PTPRD: variants seen among roughly 807,000 people sequenced by gnomAD.
The protein encoded by PTPRD is protein tyrosine phosphatase receptor type D, also known as receptor-type tyrosine-protein phosphatase delta.
PTPRD carries 34 observed loss-of-function variants against 214.5 expected under a neutral mutation model. That is an observed-to-expected ratio of 0.16 (90% CI 0.12 to 0.21). The LOEUF (loss-of-function observed/expected upper bound fraction) is 0.21, where lower values mean the gene tolerates loss of function less well. PTPRD is among the 10% of genes least tolerant of loss of function. The probability of loss-of-function intolerance (pLI) is 1.00; values close to 1 mark genes in which losing one functional copy is unlikely to be tolerated. For missense variants in PTPRD, 2,545 were observed against 2,398.7 expected, an observed-to-expected ratio of 1.06 and a Z score of -1.27; for synonymous variants, 1,128 against 845.7, an observed-to-expected ratio of 1.33 and a Z score of -5.79.
chr9:9,732,962 A>T (rs572367935), intron 7 of PTPRD, among the ~76,000 whole-genome samples: 1 of 152,090 alleles, frequency 6.6e-6, no homozygotes, highest in Non-Finnish European at 1.5e-5. Flanking sequence ...CCTTTTGTTC[A>T]TATTTATGGT....
rs869246078 is a variant in PTPRD at position 9,384,343 on chromosome 9, C to CTTTTTT, written c.-203+13100_-203+13105dup. Reference sequence around the variant, plus strand: ...GATGATATTTGAGCAGAAGACTAGGCTTTTTTTTTTTTTTTTTTTTTTTTT... The same window carrying CTTTTTT: ...GATGATATTTGAGCAGAAGACTAGGCTTTTTTTTTTTTTTTTTTTTTTTTTTTTTTT... On this transcript the variant is annotated intron_variant, in intron 9 of 45. Coordinates refer to ENST00000381196, the MANE Select transcript of PTPRD (RefSeq NM_002839.4). 3.6e-3 allele frequency among the ~76,000 whole-genome samples: 121 copies of CTTTTTT among 33,318 alleles called. 45 individuals are homozygous for CTTTTTT. Among genetic ancestry groups the CTTTTTT allele is most frequent in the East Asian group, 7.3e-3 (6 of 826 alleles). The allele number at this position is 33,318 out of a possible 152,430, so 21.9% of individuals were successfully genotyped here. A position where few individuals can be genotyped will look rare whatever the true frequency, so the allele number is the denominator to read the frequency against.
At chr9:9,456,485 G>C (rs1042954245) in intron 8 of PTPRD, among the ~76,000 whole-genome samples, 7 of 151,784 alleles carry the variant, frequency 4.6e-5, no homozygotes, top group Admixed American at 4.6e-4. Context: ...TGGCTTCCCT[G>C]TTCTTACATA....
intron 4 of PTPRD, among the ~76,000 whole-genome samples, chr9:9,947,534 TATATATA>T (rs1441660369): frequency 0.029 from 609 of 21,028 alleles, 7 homozygotes; most frequent in Admixed American, 0.04. Flanking sequence ...ATATATATTT[TATATATA>T]ATATATATAT....
chr9:10,336,666 G>A (rs1400710468), intron 3 of PTPRD, among the ~76,000 whole-genome samples: 2 of 151,222 alleles, frequency 1.3e-5, no homozygotes, highest in Non-Finnish European at 3.0e-5. Flanking sequence ...TTGGAAGGTT[G>A]AAAATAAAAA....
intron 12 of PTPRD, among the ~76,000 whole-genome samples, chr9:8,639,073 C>A (rs2096515581): frequency 6.6e-6 from 1 of 152,122 alleles, no homozygotes; most frequent in Non-Finnish European, 1.5e-5. Context: ...GATCTCGTCA[C>A]CTCGTGATCC....
chr9:8,820,308 T>C (rs1385893217), intron 11 of PTPRD, among the ~76,000 whole-genome samples: 1 of 152,128 alleles, frequency 6.6e-6, no homozygotes, highest in East Asian at 1.9e-4. Context: ...GCAGAGCTAC[T>C]TACTGTACTA....
intron 10 of PTPRD, among the ~76,000 whole-genome samples, chr9:9,180,354 A>G (rs1485033020): frequency 6.7e-6 from 1 of 150,276 alleles, no homozygotes; most frequent in Non-Finnish European, 1.5e-5. Context: ...AGGACAAAAA[A>G]CCAAATACCG....
intron 34 of PTPRD, among the ~76,000 whole-genome samples, chr9:8,446,851 G>A (rs1023480450): frequency 1.3e-5 from 2 of 152,100 alleles, no homozygotes; most frequent in African/African-American, 4.8e-5. Flanking sequence ...AAGAGGAGAA[G>A]AACAACCACA....
intron 6 of PTPRD, among the ~76,000 whole-genome samples, chr9:9,761,248 G>A (rs1581761): frequency 0.035 from 5,355 of 152,210 alleles, 288 homozygotes; most frequent in African/African-American, 0.12. Context: ...AACAACTTGG[G>A]TGAATCTCCA....
intron 11 of PTPRD, among the ~76,000 whole-genome samples, chr9:8,894,674 G>A (rs112123607): frequency 2.4e-4 from 37 of 152,244 alleles, no homozygotes; most frequent in Admixed American, 7.2e-4. Context: ...TAAACTGAAC[G>A]TATGCTATAT....
At chr9:9,621,935 A>C (rs2095256431) in intron 7 of PTPRD, among the ~76,000 whole-genome samples, 1 of 152,202 alleles carries the variant, frequency 6.6e-6, no homozygotes, top group African/African-American at 2.4e-5. Flanking sequence ...CCTATAAAGT[A>C]AGGCAAATAA....
chr9:8,988,576 T>C (rs369660875), intron 11 of PTPRD, among the ~76,000 whole-genome samples: 96 of 152,246 alleles, frequency 6.3e-4, no homozygotes, highest in African/African-American at 2.0e-3. Context: ...TTTTAGCAGT[T>C]CCTCTGTTGA....
chr9:8,545,070 C>T (rs1005043046), intron 14 of PTPRD, among the ~76,000 whole-genome samples: 17 of 152,066 alleles, frequency 1.1e-4, no homozygotes, highest in Non-Finnish European at 2.2e-4. Context: ...CTAGCACACA[C>T]AATCGTAGTT....
At chr9:10,474,556 C>G (rs561296464) in intron 2 of PTPRD, among the ~76,000 whole-genome samples, 1 of 152,118 alleles carries the variant, frequency 6.6e-6, no homozygotes, top group East Asian at 1.9e-4. Flanking sequence ...CTTTAACACC[C>G]CACTGTCAAT....
chr9:8,934,424 T>TATATATATAA (rs1346894998), intron 11 of PTPRD, among the ~76,000 whole-genome samples: 2 of 30,406 alleles, frequency 6.6e-5, no homozygotes, highest in East Asian at 5.3e-3. Context: ...TGTGTGTGTA[T>TATATATATAA]ATATATATAT....
intron 5 of PTPRD, among the ~76,000 whole-genome samples, chr9:9,812,851 G>C (rs1432460186): frequency 1.3e-5 from 2 of 152,050 alleles, no homozygotes; most frequent in Non-Finnish European, 2.9e-5. Flanking sequence ...AGTGTACGCA[G>C]AATATTCTCC....
chr9:9,955,303 A>G (rs982958028), intron 4 of PTPRD, among the ~76,000 whole-genome samples: 5 of 152,216 alleles, frequency 3.3e-5, no homozygotes, highest in African/African-American at 1.2e-4. Flanking sequence ...CCTGAAAGGA[A>G]CCACAAGAAC....
At chr9:9,923,426 G>A (rs1277940993) in intron 5 of PTPRD, among the ~76,000 whole-genome samples, 1 of 41,334 alleles carries the variant, frequency 2.4e-5, no homozygotes, top group African/African-American at 6.4e-4. Flanking sequence ...ATTTGTGACA[G>A]TTGCAGTTGA....
At chr9:9,417,738 A>G (rs951126638) in intron 8 of PTPRD, among the ~76,000 whole-genome samples, 7 of 152,102 alleles carry the variant, frequency 4.6e-5, no homozygotes, top group Non-Finnish European at 7.4e-5. Flanking sequence ...AAAGTCATTT[A>G]ACCTCTTCAA....
Sources: allele counts gnomAD v4.1 joint callset (sites outside exome capture counted in the v4.1 genomes callset), GRCh38; gene constraint gnomAD v4.1.1; transcripts MANE v1.5; gene names NCBI Gene and HGNC (gene_info 2026-07-23, HGNC 2026-07-21).